GRID2: variants seen among roughly 807,000 people sequenced by gnomAD.
GRID2 encodes the protein glutamate ionotropic receptor delta type subunit 2, also known as glutamate receptor ionotropic, delta-2.
Under a neutral mutation model 114.8 loss-of-function variants are expected in GRID2, and 33 were observed. That is an observed-to-expected ratio of 0.29 (90% CI 0.22 to 0.38). The LOEUF is 0.38. GRID2 is among the 10% of genes least tolerant of loss of function. GRID2 has a pLI of 1.00. For missense variants in GRID2, 1,184 were observed against 1,257.7 expected, an observed-to-expected ratio of 0.94 and a Z score of 0.89; for synonymous variants, 505 against 449.9, an observed-to-expected ratio of 1.12 and a Z score of -1.55.
chr4:93,481,564 A>C (rs1725866253), intron 11 of GRID2, among the ~76,000 whole-genome samples: 1 of 152,104 alleles, frequency 6.6e-6, no homozygotes, highest in Non-Finnish European at 1.5e-5. Context: ...CGGAGACTTC[A>C]GAGCAGTTAG....
At chr4:93,125,921 T>A (rs1048282370) in intron 4 of GRID2, among the ~76,000 whole-genome samples, 2 of 152,216 alleles carry the variant, frequency 1.3e-5, no homozygotes, top group Non-Finnish European at 2.9e-5. Context: ...TCATGGAAGA[T>A]GTCCTATTTG....
At chr4:92,719,850 C>T (rs1464771367) in intron 2 of GRID2, among the ~76,000 whole-genome samples, 3 of 152,110 alleles carry the variant, frequency 2.0e-5, no homozygotes, top group Non-Finnish European at 4.4e-5. Flanking sequence ...TGAGCCAATT[C>T]TTGAAGTAGC....
intron 14 of GRID2, among the ~76,000 whole-genome samples, chr4:93,752,625 C>T (rs955826448): frequency 1.3e-5 from 2 of 152,174 alleles, no homozygotes; most frequent in Non-Finnish European, 2.9e-5. Flanking sequence ...CCACCTCGGC[C>T]TCCCAAAGTG....
At chr4:93,498,473 A>G (rs1727756317) in intron 12 of GRID2, among the ~76,000 whole-genome samples, 1 of 151,904 alleles carries the variant, frequency 6.6e-6, no homozygotes, top group South Asian at 2.1e-4. Context: ...TATTAAAATC[A>G]TAGTAATTGA....
At chr4:93,562,471 T>G (rs1735022881) in intron 13 of GRID2, among the ~76,000 whole-genome samples, 1 of 152,072 alleles carries the variant, frequency 6.6e-6, no homozygotes, top group African/African-American at 2.4e-5. Flanking sequence ...TTTGCAAATA[T>G]TTTTCCAAGG....
In GRID2 at chr4:92,970,641, G is replaced by A. The variant is rs550831041; in HGVS notation, c.245-114354G>A. Among the ~76,000 whole-genome samples, 12 of 151,880 alleles carry A rather than the reference G, an allele frequency of 7.9e-5. No individual in the cohort carries two copies. In the East Asian group the frequency reaches 1.2e-3, roughly 15 times the overall value. On this transcript the variant is annotated intron_variant, in intron 2 of 15. Transcript: ENST00000282020. The stretch of plus-strand genomic sequence containing the variant: ...CATCAAAAATTTGAAAATCACTTTC[G>A]TGTTAGTCTTTAGAAATAGTGAGAA...
chr4:93,051,879 G>A (rs1372809996), intron 2 of GRID2, among the ~76,000 whole-genome samples: 2 of 150,608 alleles, frequency 1.3e-5, no homozygotes, highest in Non-Finnish European at 3.0e-5. Flanking sequence ...TGTTTGTCCA[G>A]TTTTTTTTTC....
intron 9 of GRID2, among the ~76,000 whole-genome samples, chr4:93,396,769 A>C (rs1291249737): frequency 6.6e-6 from 1 of 151,964 alleles, no homozygotes; most frequent in East Asian, 1.9e-4. Flanking sequence ...ACATACAATA[A>C]GATGTTAATA....
intron 10 of GRID2, among the ~76,000 whole-genome samples, chr4:93,449,348 A>G (rs1560630570): frequency 6.6e-6 from 1 of 152,068 alleles, no homozygotes; most frequent in Non-Finnish European, 1.5e-5. Flanking sequence ...AATTACTACA[A>G]GCAATATGTA....
intron 2 of GRID2, among the ~76,000 whole-genome samples, chr4:92,655,250 T>G (rs1475268932): frequency 6.6e-6 from 1 of 152,040 alleles, no homozygotes; most frequent in South Asian, 2.1e-4. Flanking sequence ...TTTGTCAAAC[T>G]TTATACCAAT....
At chr4:93,000,649 A>T (rs999856442) in intron 2 of GRID2, among the ~76,000 whole-genome samples, 3 of 151,666 alleles carry the variant, frequency 2.0e-5, no homozygotes, top group Non-Finnish European at 4.4e-5. Context: ...AATTTGATTT[A>T]ATAGCAATTT....
At chr4:93,371,044 A>T (rs1312282011) in intron 8 of GRID2, among the ~76,000 whole-genome samples, 21 of 152,208 alleles carry the variant, frequency 1.4e-4, no homozygotes, top group Non-Finnish European at 1.5e-5. Context: ...ATTGTAAGAG[A>T]GAAAGATGCA....
chr4:93,653,240 C>T (rs1722743759), intron 14 of GRID2, among the ~76,000 whole-genome samples: 1 of 152,158 alleles, frequency 6.6e-6, no homozygotes, highest in South Asian at 2.1e-4. Context: ...TTAGAACAAT[C>T]TCTGAGTCTC....
chr4:92,505,713 G>C (rs572659633), intron 1 of GRID2, among the ~76,000 whole-genome samples: 2 of 151,988 alleles, frequency 1.3e-5, no homozygotes, highest in South Asian at 4.1e-4. Context: ...TAGGGATAAA[G>C]TGGAAGACCC....
chr4:93,157,672 A>G (rs1423831665), intron 4 of GRID2, among the ~76,000 whole-genome samples: 1 of 151,716 alleles, frequency 6.6e-6, no homozygotes, highest in African/African-American at 2.4e-5. Context: ...AAAGGAAAGG[A>G]AGTATGTTCA....
At chr4:92,577,425 G>C (rs1454977950) in intron 1 of GRID2, among the ~76,000 whole-genome samples, 1 of 152,194 alleles carries the variant, frequency 6.6e-6, no homozygotes, top group Non-Finnish European at 1.5e-5. Flanking sequence ...ACCGAGGACA[G>C]AGAGAAAGAT....
Position 93,250,272 on chromosome 4 carries a change from A to T in GRID2, c.1245+11782A>T, listed in dbSNP as rs1362087628. On this transcript the variant is annotated intron_variant, in intron 8 of 15. Coordinates refer to ENST00000282020, the MANE Select transcript of GRID2 (RefSeq NM_001510.4). ...AGAAAACCAAACACTGCATGTTCTCACTCATAAGTGGGAGTTGAACAATGA... is the reference window on the plus strand; with the variant it reads ...AGAAAACCAAACACTGCATGTTCTCTCTCATAAGTGGGAGTTGAACAATGA... 2.0e-5 allele frequency among the ~76,000 whole-genome samples: 3 copies of T among 152,050 alleles called. No homozygotes were observed. In the South Asian group the frequency reaches 6.2e-4, roughly 32 times the overall value.
intron 8 of GRID2, among the ~76,000 whole-genome samples, chr4:93,377,515 C>A (rs1270480009): frequency 6.6e-6 from 1 of 152,038 alleles, no homozygotes. Context: ...AACTTTGATG[C>A]CACCCACATT....
intron 9 of GRID2, among the ~76,000 whole-genome samples, chr4:93,405,397 A>G (rs189942210): frequency 6.6e-6 from 1 of 152,174 alleles, no homozygotes; most frequent in African/African-American, 2.4e-5. Context: ...GCTGTTGCAC[A>G]GACATGTGTG....
Sources: gnomAD v4.1 joint callset for allele counts (sites outside exome capture counted in the v4.1 genomes callset) on GRCh38, gnomAD v4.1.1 for gene constraint, MANE v1.5 for transcripts, NCBI Gene and HGNC (gene_info 2026-07-23, HGNC 2026-07-21) for gene names.